CFDP1: variants seen among roughly 807,000 people sequenced by gnomAD.
CFDP1 encodes the protein chromatin remodeling protein CFDP1.
Under a neutral mutation model 40.1 loss-of-function variants are expected in CFDP1, and 31 were observed. The observed-to-expected ratio is 0.77, with a 90% CI of 0.58 to 1.04. The LOEUF (loss-of-function observed/expected upper bound fraction) is 1.04, where lower values mean the gene tolerates loss of function less well. CFDP1 is among the 50% of genes least tolerant of loss of function. CFDP1 has a pLI of 0.00. For synonymous variants in CFDP1, 167 were observed against 120.0 expected (o/e 1.39, Z -2.56); for missense variants, 423 against 343.4 (o/e 1.23, Z -1.83).
At chr16:75,402,445 T>G (rs1441586754) in intron 4 of CFDP1, among the ~76,000 whole-genome samples, 1 of 152,206 alleles carries the variant, frequency 6.6e-6, no homozygotes, top group Non-Finnish European at 1.5e-5. Context: ...AAATACTATA[T>G]TCCCCCATTC....
At chr16:75,343,537 G>A (rs1054476105) in intron 5 of CFDP1, among the ~76,000 whole-genome samples, 1 of 152,208 alleles carries the variant, frequency 6.6e-6, no homozygotes, top group Non-Finnish European at 1.5e-5. Context: ...GTATGTGTAT[G>A]ACAAAACAGC....
At position 75,293,794 on chromosome 16, in the gene CFDP1, C is replaced by A; in HGVS notation, c.*158G>T. ...ATTTTTAAAAGTAAAGTGAATGAAA[C>A]CATTTGTGATTAAGATACATAGACA... On this transcript the variant is annotated 3_prime_UTR_variant, in exon 7 of 7. Transcript: ENST00000283882. 1.7e-6 allele frequency: 1 copy of A among 597,080 alleles called. No individual in the cohort carries two copies. Among genetic ancestry groups the A allele is most frequent in the Non-Finnish European group, 2.9e-6 (1 of 342,718 alleles). 37.0% of individuals were successfully genotyped at this position (597,080 alleles called of 1,614,324 possible). A position where few individuals can be genotyped will look rare whatever the true frequency, so the allele number is the denominator to read the frequency against.
At chr16:75,397,954 C>G (rs181709070) in intron 4 of CFDP1, among the ~76,000 whole-genome samples, 1 of 152,234 alleles carries the variant, frequency 6.6e-6, no homozygotes, top group Non-Finnish European at 1.5e-5. Flanking sequence ...CATGTTTGTG[C>G]TGTTTCTCTT....
intron 4 of CFDP1, among the ~76,000 whole-genome samples, chr16:75,409,038 T>C (rs1347613892): frequency 1.3e-5 from 2 of 151,934 alleles, no homozygotes; most frequent in East Asian, 2.0e-4. Context: ...TTTTTATTTT[T>C]AGTAGAGACG....
intron 4 of CFDP1, among the ~76,000 whole-genome samples, chr16:75,402,642 G>A (rs1374932453): frequency 6.6e-6 from 1 of 152,142 alleles, no homozygotes; most frequent in Non-Finnish European, 1.5e-5. Flanking sequence ...TCTTGAAGAT[G>A]TAGTAATGCT....
intron 1 of CFDP1, among the ~76,000 whole-genome samples, chr16:75,422,127 G>A (rs759249680): frequency 3.3e-5 from 5 of 151,588 alleles, no homozygotes; most frequent in Non-Finnish European, 5.9e-5. Flanking sequence ...ACGGAGTTTC[G>A]CTCTTTTTGC....
chr16:75,389,934 G>A (rs543930243), intron 5 of CFDP1, among the ~76,000 whole-genome samples: 3 of 152,136 alleles, frequency 2.0e-5, no homozygotes, highest in African/African-American at 7.2e-5. Context: ...TACCAACCTT[G>A]AAAGTCATTC....
intron 1 of CFDP1, among the ~76,000 whole-genome samples, chr16:75,419,735 C>T (rs1008993062): frequency 3.3e-5 from 5 of 152,102 alleles, no homozygotes; most frequent in African/African-American, 9.7e-5. Flanking sequence ...CCAAAACCAG[C>T]GCCATGACAG....
rs201041445 is a variant in CFDP1, at chr16:75,363,288, A to T, written c.650+31802T>A. Reference sequence around the variant, plus strand: ...CTGAGCACCAAAAAAAAAAAAAAAAATTTTTGCCATCCCCTCTTGTGACAC... The same window carrying T: ...CTGAGCACCAAAAAAAAAAAAAAAATTTTTTGCCATCCCCTCTTGTGACAC... On this transcript the variant is annotated intron_variant, in intron 5 of 6. Coordinates refer to ENST00000283882, the MANE Select transcript of CFDP1 (RefSeq NM_006324.3). Among the ~76,000 whole-genome samples the T allele has an allele frequency of 2.0e-3, 269 of 136,406 alleles. 4 individuals carry two copies. Among genetic ancestry groups the T allele is most frequent in the Admixed American group, 6.6e-3 (87 of 13,196 alleles). 89.5% of individuals were successfully genotyped at this position (136,406 alleles called of 152,430 possible).
chr16:75,380,823 G>T (rs972790135), intron 5 of CFDP1, among the ~76,000 whole-genome samples: 1 of 152,042 alleles, frequency 6.6e-6, no homozygotes, highest in Non-Finnish European at 1.5e-5. Context: ...TTTAAAACCA[G>T]GTCATATAAG....
intron 5 of CFDP1, among the ~76,000 whole-genome samples, chr16:75,387,110 G>T (rs2078904467): frequency 6.6e-6 from 1 of 151,396 alleles, no homozygotes; most frequent in African/African-American, 2.4e-5. Context: ...ACATGAAGGT[G>T]AAAGTCAGGT....
At chr16:75,369,388 A>G (rs1480091183) in intron 5 of CFDP1, among the ~76,000 whole-genome samples, 1 of 152,090 alleles carries the variant, frequency 6.6e-6, no homozygotes, top group African/African-American at 2.4e-5. Flanking sequence ...GCTTCAAAAA[A>G]AACAAAAACA....
intron 5 of CFDP1, among the ~76,000 whole-genome samples, chr16:75,342,990 G>T (rs1054207567): frequency 6.6e-6 from 1 of 152,248 alleles, no homozygotes; most frequent in African/African-American, 2.4e-5. Flanking sequence ...ATCCAATGGG[G>T]TCACTGGAGA....
intron 5 of CFDP1, among the ~76,000 whole-genome samples, chr16:75,337,347 G>A (rs762352659): frequency 3.3e-5 from 5 of 152,128 alleles, no homozygotes; most frequent in African/African-American, 7.2e-5. Flanking sequence ...TGGTGGAGTC[G>A]CTGCTTCCAA....
chr16:75,350,248 GGT>G, intron 5 of CFDP1, among the ~76,000 whole-genome samples: 1 of 151,970 alleles, frequency 6.6e-6, no homozygotes, highest in East Asian at 1.9e-4. Flanking sequence ...ATTTTTTGTG[GGT>G]ATATGCACAG....
intron 4 of CFDP1, among the ~76,000 whole-genome samples, chr16:75,399,040 G>A (rs1210043740): frequency 8.0e-6 from 1 of 125,480 alleles, no homozygotes; most frequent in East Asian, 2.4e-4. Flanking sequence ...CTGGGAGACA[G>A]AGCGAGACTC....
intron 5 of CFDP1, among the ~76,000 whole-genome samples, chr16:75,328,599 T>TAA (rs534769130): frequency 0.012 from 735 of 63,848 alleles, 16 homozygotes; most frequent in African/African-American, 0.028. Context: ...AACTCTGTCT[T>TAA]AAAAAAAAAA....
chr16:75,370,558 A>AAATAAT (rs545900601), intron 5 of CFDP1, among the ~76,000 whole-genome samples: 2 of 151,988 alleles, frequency 1.3e-5, no homozygotes, highest in Non-Finnish European at 2.9e-5. Flanking sequence ...AAGTATAATA[A>AAATAAT]AATAATAATA....
chr16:75,413,057 T>A lies in CFDP1; in HGVS notation c.183-303A>T, dbSNP rs139053756. Among the ~76,000 whole-genome samples the A allele has an allele frequency of 2.5e-3, 376 of 152,212 alleles. 2 individuals are homozygous for A. The highest frequency in any genetic ancestry group is 8.8e-3 in the African/African-American group (364 of 41,542). ...TCACAAAGAAAACATCCAAATCACC[T>A]AATCACAGAATTAATCTATCCAGAA... On this transcript the variant is annotated intron_variant, in intron 2 of 6. Transcript: ENST00000283882.
Sources: allele counts gnomAD v4.1 joint callset (sites outside exome capture counted in the v4.1 genomes callset), GRCh38; gene constraint gnomAD v4.1.1; transcripts MANE v1.5; gene names NCBI Gene and HGNC (gene_info 2026-07-23, HGNC 2026-07-21).